The following ADAMTS7 variants were observed in gnomAD, a reference collection of about 807,000 sequenced individuals.
ADAMTS7 encodes A disintegrin and metalloproteinase with thrombospondin motifs 7.
A neutral mutation model predicts 172.6 loss-of-function variants in ADAMTS7; 89 were observed. That is an observed-to-expected ratio of 0.52 (90% CI 0.43 to 0.61). The LOEUF (loss-of-function observed/expected upper bound fraction) is 0.61, where lower values mean the gene tolerates loss of function less well. Ranked by LOEUF, ADAMTS7 falls within the 20% of genes least tolerant of loss-of-function variation. The pLI, the probability that ADAMTS7 is intolerant of heterozygous loss-of-function variation, is 0.00. For synonymous variants in ADAMTS7, 885 were observed against 978.4 expected, an observed-to-expected ratio of 0.90 and a Z score of 1.78; for missense variants, 1,973 against 2,355.6, an observed-to-expected ratio of 0.84 and a Z score of 3.36.
chr15:78,791,287 C>A, intron 4 of ADAMTS7, 64 bp from the exon 5 acceptor site: 3 of 1,353,976 alleles, frequency 2.2e-6, no homozygotes, highest in African/African-American at 1.5e-5. Flanking sequence ...CCAATGCCCA[C>A]CCCAACCCAC....
chr15:78,787,862 C>T (rs540178884), intron 8 of ADAMTS7, among the ~76,000 whole-genome samples: 15 of 152,290 alleles, frequency 9.8e-5, no homozygotes, highest in African/African-American at 2.6e-4. Context: ...AGGGTTCCGC[C>T]GTTCCCTGAA....
At chr15:78,782,038 CT>C (rs909887150) in intron 8 of ADAMTS7, among the ~76,000 whole-genome samples, 28 of 150,276 alleles carry the variant, frequency 1.9e-4, no homozygotes, top group African/African-American at 6.1e-4. Context: ...AGTCTAGGTT[CT>C]TTTTTTTTTC....
At position 78,773,155 on chromosome 15, in the gene ADAMTS7, A is replaced by G; in HGVS notation, c.2059T>C (p.Cys687Arg). 1 of 1,501,770 alleles carries G rather than the reference A, an allele frequency of 6.7e-7. No individual in the cohort carries two copies. The allele number at this position is 1,501,770 out of a possible 1,614,324, so 93.0% of individuals were successfully genotyped here. The change falls in exon 14 of 24, where the codon TGT becomes CGT. Residue 687 changes from cysteine (C) to arginine (R), a missense_variant. Transcript: ENST00000388820. ...EIDSGAMEDR[C>R]GVCHGNGSTC... is the part of the protein sequence containing the mutation. ...GAGCCGTTGCCGTGGCACACACCAC[A>G]GCGGTCCTCCATAGCACCGGAGTCA...
intron 1 of ADAMTS7, among the ~76,000 whole-genome samples, chr15:78,805,915 T>C (rs2055781514): frequency 6.6e-6 from 1 of 151,652 alleles, no homozygotes; most frequent in Non-Finnish European, 1.5e-5. Context: ...ATCCCATCTC[T>C]ACAAAAATAC....
chr15:78,764,020 G>C lies in ADAMTS7; in HGVS notation c.4499C>G (p.Pro1500Arg). 1 of 1,541,232 alleles carries C rather than the reference G, an allele frequency of 6.5e-7. No individual in the cohort carries two copies. Among genetic ancestry groups the C allele is most frequent in the East Asian group, 2.4e-5 (1 of 41,206 alleles). The stretch of plus-strand genomic sequence containing the variant: ...GGCAGGCCCGGGCTGACAATGGAAG[G>C]GCCGCAGTGGCCGGAGGTCCCGTGT... ...VDTRDLRPLR[P>R]FHCQPGPAKP... The change falls in exon 21 of 24, where the codon CCC becomes CGC. Residue 1500 changes from proline to arginine, a missense_variant. Physicochemically the swap from Pro to Arg is moderately radical, Grantham distance 103. Around this residue, in one of 8 missense-constraint regions of ADAMTS7, gnomAD observed 218 missense variants for 216.9 expected, o/e 1.01. Coordinates refer to ENST00000388820, the MANE Select transcript of ADAMTS7 (RefSeq NM_014272.5).
rs558596712 is a variant in ADAMTS7, at chr15:78,764,147, C to G, written c.4420-48G>C. ...GGACACATCCCCATGTGCAGGCCCA[C>G]AGGCGTGACCCCGTGAGGTGTGTGG... is the stretch of plus-strand genomic sequence containing the variant. On this transcript the variant is annotated intron_variant, in intron 20 of 23. Coordinates refer to ENST00000388820, the MANE Select transcript of ADAMTS7 (RefSeq NM_014272.5). The G allele has an allele frequency of 5.5e-6, 8 of 1,465,616 alleles. No homozygotes were observed. In the South Asian group the frequency reaches 9.9e-5, roughly 18 times the overall value. 90.8% of individuals were successfully genotyped at this position (1,465,616 alleles called of 1,614,324 possible).
intron 3 of ADAMTS7, among the ~76,000 whole-genome samples, chr15:78,797,411 T>C (rs2055660456): frequency 1.3e-5 from 2 of 152,344 alleles, no homozygotes; most frequent in Non-Finnish European, 2.9e-5. Context: ...AGCCAAGCAT[T>C]CCCCAAACCC....
At position 78,811,207 on chromosome 15, in the gene ADAMTS7, G is replaced by C. The variant is rs1320822974; in HGVS notation, c.14C>G (p.Pro5Arg). MPGG[P>R]SPRSPAPLLR... ...CAAAGGCGCGGGGCTGCGGGGACTG[G>C]GGCCGCCGGGCATGGCAGGAACCGG... The change falls in exon 1 of 24, where the codon CCC becomes CGC. Residue 5 changes from proline to arginine, a missense_variant. Transcript: ENST00000388820. 8 of 1,228,528 alleles carry C rather than the reference G, an allele frequency of 6.5e-6. No homozygotes were observed. The highest frequency in any genetic ancestry group is 8.1e-6 in the Non-Finnish European group (8 of 985,836). 76.1% of individuals were successfully genotyped at this position (1,228,528 alleles called of 1,614,324 possible).
intron 8 of ADAMTS7, among the ~76,000 whole-genome samples, chr15:78,784,419 G>A (rs1198185984): frequency 8.8e-6 from 1 of 113,922 alleles, no homozygotes; most frequent in Non-Finnish European, 1.8e-5. Context: ...GGGAGGGAGG[G>A]AGGGAGGGAG....
chr15:78,777,923 C>T (rs2055375628), intron 8 of ADAMTS7, among the ~76,000 whole-genome samples: 1 of 152,220 alleles, frequency 6.6e-6, no homozygotes, highest in South Asian at 2.1e-4. Flanking sequence ...ACCCTGCAGC[C>T]TCCGTGTCTG....
Position 78,789,113 on chromosome 15 carries a change from G to A in ADAMTS7, c.1178+576C>T, listed in dbSNP as rs373267459. On this transcript the variant is annotated intron_variant, in intron 7 of 23. Coordinates refer to ENST00000388820, the MANE Select transcript of ADAMTS7 (RefSeq NM_014272.5). ...CCCCAACAGCTTTGACCCACAGAAC[G>A]TTCTGGGAGCCTGCCTTTGATGGCT... Among the ~76,000 whole-genome samples, 9 of 152,372 alleles carry A rather than the reference G, an allele frequency of 5.9e-5. No homozygotes were observed. In the East Asian group the frequency reaches 7.7e-4, roughly 13 times the overall value.
At chr15:78,787,048 T>C (rs1411826140) in intron 8 of ADAMTS7, among the ~76,000 whole-genome samples, 2 of 152,240 alleles carry the variant, frequency 1.3e-5, no homozygotes, top group Admixed American at 1.3e-4. Flanking sequence ...GCTTACTTTA[T>C]TGTAAGAATA....
intron 16 of ADAMTS7, among the ~76,000 whole-genome samples, chr15:78,770,189 TA>T (rs2055224132): frequency 6.6e-6 from 1 of 150,616 alleles, no homozygotes; most frequent in African/African-American, 2.4e-5. Context: ...ATAAAATAAA[TA>T]AAATAAAATA....
intron 23 of ADAMTS7, 118 bp downstream of exon 23, chr15:78,762,285 C>T: frequency 8.2e-7 from 1 of 1,220,990 alleles, no homozygotes; most frequent in South Asian, 2.6e-5. Flanking sequence ...GCTCCTGAGC[C>T]CAGACTACAG....
chr15:78,776,380 A>G, intron 10 of ADAMTS7, 47 bp from the exon 11 acceptor site: 1 of 1,590,126 alleles, frequency 6.3e-7, no homozygotes, highest in Non-Finnish European at 8.6e-7. Flanking sequence ...CAAGTCTATC[A>G]GTCATCCTCA....
At chr15:78,776,485 C>A in intron 10 of ADAMTS7, 152 bp from the exon 11 acceptor site, 1 of 1,222,084 alleles carries the variant, frequency 8.2e-7, no homozygotes, top group Middle Eastern at 2.9e-4. Flanking sequence ...TCACAATCAT[C>A]TGTGACCCAG....
chr15:78,809,467 C>T (rs1230382967), intron 1 of ADAMTS7, among the ~76,000 whole-genome samples: 1 of 152,258 alleles, frequency 6.6e-6, no homozygotes, highest in East Asian at 1.9e-4. Context: ...GGAGAGAGTG[C>T]CTGGCCTGCC....
In ADAMTS7 at chr15:78,766,766, C is replaced by T. The variant is rs2055162166; in HGVS notation, c.3145G>A (p.Ala1049Thr). ...GGCCCCGGCAGGTCCAGCTCTGGAG[C>T]CTCCTCCTCAATGGCGTTGCCCATG... The part of the protein sequence containing the change: ...GTMGNAIEEE[A>T]PELDLPGPVF... The change falls in exon 19 of 24, where the codon GCT becomes ACT. Residue 1049 changes from alanine (A) to threonine (T), a missense_variant. Physicochemically the swap from Ala to Thr is moderately conservative, Grantham distance 58. Transcript: ENST00000388820. 1.2e-6 allele frequency: 2 copies of T among 1,610,452 alleles called. No homozygotes were observed. The highest frequency in any genetic ancestry group is 2.7e-5 in the African/African-American group (2 of 74,870).
chr15:78,782,086 C>T (rs1183271341), intron 8 of ADAMTS7, among the ~76,000 whole-genome samples: 1 of 151,830 alleles, frequency 6.6e-6, no homozygotes, highest in Non-Finnish European at 1.5e-5. Context: ...AGCTGAACTG[C>T]AGTGGTGTGA....
Sources: allele counts gnomAD v4.1 joint callset (sites outside exome capture counted in the v4.1 genomes callset), GRCh38; gene constraint gnomAD v4.1.1; regional missense constraint gnomAD v4.1.1; transcripts MANE v1.5; gene names NCBI Gene and HGNC (gene_info 2026-07-23, HGNC 2026-07-21).